Variants in BRSK2 observed in about 807,000 individuals in gnomAD.
BRSK2 encodes the protein BR serine/threonine kinase 2.
Under a neutral mutation model 83.3 loss-of-function variants are expected in BRSK2, and 19 were observed. That is an observed-to-expected ratio of 0.23 (90% CI 0.16 to 0.33). The LOEUF (loss-of-function observed/expected upper bound fraction) is 0.33. Ranked by LOEUF, BRSK2 falls within the 10% of genes least tolerant of loss-of-function variation. BRSK2 has a pLI of 1.00. For synonymous variants in BRSK2, 519 were observed against 435.4 expected, an observed-to-expected ratio of 1.19 and a Z score of -2.39; for missense variants, 798 against 1,042.3, an observed-to-expected ratio of 0.77 and a Z score of 3.23.
At chr11:1,443,049 G>A in intron 5 of BRSK2, 57 bp from the exon 6 acceptor site, 2 of 1,514,994 alleles carry the variant, frequency 1.3e-6, no homozygotes, top group Non-Finnish European at 1.8e-6. Flanking sequence ...CATCACCCTG[G>A]GGGGAGGGCC....
chr11:1,400,241 G>A (rs1249883269), intron 1 of BRSK2, among the ~76,000 whole-genome samples: 4 of 152,258 alleles, frequency 2.6e-5, no homozygotes, highest in South Asian at 2.1e-4. Flanking sequence ...TCAGTCTCCC[G>A]CCCCCTCCAT....
rs551926054 is a variant in BRSK2 at position 1,423,905 on chromosome 11, C to T, written c.92-12135C>T. 2.6e-4 allele frequency among the ~76,000 whole-genome samples: 40 copies of T among 152,166 alleles called. No individual in the cohort carries two copies. The highest frequency in any genetic ancestry group is 2.3e-3 in the South Asian group (11 of 4,818). ...CACCCCCATCTTGCTTTCACCCTCA[C>T]GTGGCGCCCCCATCCCACCCCGTGT... On this transcript the variant is annotated intron_variant, in intron 1 of 19. Transcript: ENST00000528841. This position sits in a 1 kb window ranked among gnomAD's most constrained non-coding sequence, Gnocchi z 6.5.
chr11:1,409,922 G>T (rs1267531176), intron 1 of BRSK2: 2 of 148,278 alleles, frequency 1.3e-5, no homozygotes, highest in African/African-American at 5.0e-5. Flanking sequence ...TGTTTGGGGG[G>T]GTTTGGGACG....
chr11:1,453,554 A>T (rs901267525), intron 15 of BRSK2, among the ~76,000 whole-genome samples: 15 of 152,084 alleles, frequency 9.9e-5, no homozygotes, highest in Admixed American at 7.9e-4. Context: ...GACCGGCAGG[A>T]CACTGAGGAG....
At chr11:1,425,704 C>T (rs1163078495) in intron 1 of BRSK2, among the ~76,000 whole-genome samples, 2 of 152,232 alleles carry the variant, frequency 1.3e-5, no homozygotes, top group Non-Finnish European at 2.9e-5. Context: ...GTGTCCTCTC[C>T]ACTGGCCTTG....
At chr11:1,400,679 AG>A (rs1425361685) in intron 1 of BRSK2, among the ~76,000 whole-genome samples, 4 of 151,840 alleles carry the variant, frequency 2.6e-5, no homozygotes, top group African/African-American at 9.7e-5. Flanking sequence ...GCCACATGGG[AG>A]GAATGGGCCC....
Position 1,390,523 on chromosome 11 carries a change from T to G in BRSK2, c.91+148T>G, listed in dbSNP as rs1845655860. Reference sequence around the variant, plus strand: ...ACAATGGGCGGCCCGTGCGCCCCCGTCCGCTCGTGCGCCCCGGTTCCGCCG... The same window carrying G: ...ACAATGGGCGGCCCGTGCGCCCCCGGCCGCTCGTGCGCCCCGGTTCCGCCG... On this transcript the variant is annotated intron_variant, in intron 1 of 19. Transcript: ENST00000528841. This position sits in a 1 kb window ranked among gnomAD's most constrained non-coding sequence, Gnocchi z 6.8. 4.3e-6 allele frequency: 1 copy of G among 233,480 alleles called. No individual in the cohort carries two copies. The allele number at this position is 233,480 out of a possible 1,614,324, so 14.5% of individuals were successfully genotyped here. A position where few individuals can be genotyped will look rare whatever the true frequency, so the allele number is the denominator to read the frequency against.
At chr11:1,442,377 T>C in intron 4 of BRSK2, 113 bp from the exon 5 acceptor site, 4 of 734,574 alleles carry the variant, frequency 5.4e-6, no homozygotes, top group Non-Finnish European at 9.6e-6. Flanking sequence ...TATTGGCCCT[T>C]ATGTGTGATT....
chr11:1,404,924 T>G (rs1846735444), intron 1 of BRSK2, among the ~76,000 whole-genome samples: 1 of 149,822 alleles, frequency 6.7e-6, no homozygotes, highest in South Asian at 2.1e-4. Context: ...TCCCCAGCCC[T>G]CGCTGCCCCT....
At chr11:1,420,912 C>G (rs569018391) in intron 1 of BRSK2, among the ~76,000 whole-genome samples, 2 of 152,348 alleles carry the variant, frequency 1.3e-5, no homozygotes, top group Non-Finnish European at 2.9e-5. Context: ...GGGGAGGGGC[C>G]TGTGCCCCCC....
chr11:1,440,449 C>T (rs1022680945), intron 3 of BRSK2, among the ~76,000 whole-genome samples: 2 of 152,034 alleles, frequency 1.3e-5, no homozygotes, highest in African/African-American at 2.4e-5. Context: ...CCCCATGCAC[C>T]GAGCCTTGGC....
rs781049550 is a variant in BRSK2, at chr11:1,460,460, C to CTTTTTTTTTTTTTTTTT, written c.1988-40_1988-39insTTTTTTTTTTTTTTTTT. On this transcript the variant is annotated intron_variant, in intron 19 of 19. Coordinates refer to ENST00000528841, the MANE Select transcript of BRSK2 (RefSeq NM_001256627.2). ...TCTCTCCCCCTTTTTTTTCTTTTTT[C>CTTTTTTTTTTTTTTTTT]CTTTTTTTTTTTTTTTTTGTCTCTG... The CTTTTTTTTTTTTTTTTT allele has an allele frequency of 9.8e-6, 11 of 1,122,766 alleles. 2 individuals are homozygous for CTTTTTTTTTTTTTTTTT. The highest frequency in any genetic ancestry group is 4.5e-5 in the Admixed American group (1 of 22,136). The allele number at this position is 1,122,766 out of a possible 1,614,324, so 69.6% of individuals were successfully genotyped here.
chr11:1,408,581 C>T (rs1847078767), intron 1 of BRSK2, among the ~76,000 whole-genome samples: 2 of 152,222 alleles, frequency 1.3e-5, no homozygotes, highest in African/African-American at 4.8e-5. Context: ...AAGGACACCC[C>T]TGTGGCTGCC....
intron 1 of BRSK2, among the ~76,000 whole-genome samples, chr11:1,403,422 G>GCTGAAGGCTGCTCTTGGGC (rs1192526504): frequency 1.6e-4 from 24 of 149,674 alleles, no homozygotes; most frequent in Middle Eastern, 6.8e-3. Flanking sequence ...TGGGGTTGGA[G>GCTGAAGGCTGCTCTTGGGC]CTGAAGGCTG....
chr11:1,455,721 G>T (rs1390761424), intron 16 of BRSK2, among the ~76,000 whole-genome samples: 1 of 152,000 alleles, frequency 6.6e-6, no homozygotes, highest in East Asian at 1.9e-4. Context: ...GCTGCCCCTG[G>T]TTGCCACGGC....
intron 13 of BRSK2, among the ~76,000 whole-genome samples, chr11:1,450,087 G>A (rs1845622542): frequency 6.6e-6 from 1 of 152,048 alleles, no homozygotes; most frequent in South Asian, 2.1e-4. Context: ...TCCTGCCCAT[G>A]CCTGCCTGCC....
chr11:1,446,022 G>C, intron 12 of BRSK2, 115 bp downstream of exon 12: 2 of 1,360,242 alleles, frequency 1.5e-6, no homozygotes, highest in Middle Eastern at 5.3e-4. Context: ...CATTGGGTGG[G>C]GCTGTATGGG....
chr11:1,462,295 G>A lies in BRSK2; in HGVS notation c.*1572G>A, dbSNP rs1450836842. 6.6e-6 allele frequency: 1 copy of A among 152,232 alleles called. No homozygotes were observed. Among genetic ancestry groups the A allele is most frequent in the Non-Finnish European group, 1.5e-5 (1 of 68,070 alleles). The allele number at this position is 152,232 out of a possible 1,614,324, so 9.4% of individuals were successfully genotyped here. A position where few individuals can be genotyped will look rare whatever the true frequency, so the allele number is the denominator to read the frequency against. ...GCCCTCCCAGGCGGGCACAGCCCGG[G>A]TGCGGCGGCCGTGGGGGACGGCGGG... On this transcript the variant is annotated 3_prime_UTR_variant, in exon 20 of 20. Coordinates refer to ENST00000528841, the MANE Select transcript of BRSK2 (RefSeq NM_001256627.2).
rs1413819634 is a variant in BRSK2, at chr11:1,454,480, C to A, written c.1545-5C>A. 23 of 1,612,854 alleles carry A rather than the reference C, an allele frequency of 1.4e-5. No individual in the cohort carries two copies. The highest frequency in any genetic ancestry group is 1.7e-5 in the Non-Finnish European group (20 of 1,179,840). Reference sequence around the variant, plus strand: ...TCCTCACAGCCTCTGTCTCCCACTGCCCAGGCTGGCGAAGAAGTCCTGGTT... The same window carrying A: ...TCCTCACAGCCTCTGTCTCCCACTGACCAGGCTGGCGAAGAAGTCCTGGTT... On this transcript the variant is annotated splice_region_variant and splice_polypyrimidine_tract_variant and intron_variant, in intron 15 of 19. Transcript: ENST00000528841. The surrounding 1 kb of genome is among the most constrained non-coding windows in gnomAD (Gnocchi z 5.2).
Sources: gnomAD v4.1 joint callset for allele counts (sites outside exome capture counted in the v4.1 genomes callset) on GRCh38, gnomAD v4.1.1 for gene constraint, Gnocchi (gnomAD v3.1) non-coding constraint, MANE v1.5 for transcripts, NCBI Gene and HGNC (gene_info 2026-07-23, HGNC 2026-07-21) for gene names.